Variants in PHACTR1 observed in about 807,000 individuals in gnomAD.
PHACTR1 encodes the protein phosphatase and actin regulator 1, also known as RPEL repeat containing 1.
Under a neutral mutation model 69.2 loss-of-function variants are expected in PHACTR1, and 16 were observed. That is an observed-to-expected ratio of 0.23 (90% confidence interval 0.16 to 0.35). The LOEUF (loss-of-function observed/expected upper bound fraction) is 0.35. Among genes scored for constraint, PHACTR1 ranks in the 10% least tolerant of loss-of-function variants. PHACTR1 has a pLI of 1.00. For missense variants in PHACTR1, 510 were observed against 734.7 expected, an observed-to-expected ratio of 0.69 and a Z score of 3.54; for synonymous variants, 312 against 284.5, an observed-to-expected ratio of 1.10 and a Z score of -0.97.
intron 4 of PHACTR1, among the ~76,000 whole-genome samples, chr6:12,901,618 C>A (rs1267824173): frequency 2.0e-5 from 3 of 152,128 alleles, no homozygotes; most frequent in Non-Finnish European, 4.4e-5. Flanking sequence ...CCTCAGCCTC[C>A]CGAGTAGCTG....
intron 10 of PHACTR1, among the ~76,000 whole-genome samples, chr6:13,262,362 C>T (rs1352250663): frequency 6.6e-6 from 1 of 152,086 alleles, no homozygotes; most frequent in Non-Finnish European, 1.5e-5. Flanking sequence ...TCTGATGGCC[C>T]ATAGGAGTAC....
intron 4 of PHACTR1, among the ~76,000 whole-genome samples, chr6:13,016,678 T>C (rs1489618098): frequency 6.6e-6 from 1 of 152,124 alleles, no homozygotes; most frequent in Non-Finnish European, 1.5e-5. Context: ...TTAAAGATGT[T>C]TTGCTAAACT....
chr6:13,278,921 C>T (rs1303122697), intron 12 of PHACTR1, among the ~76,000 whole-genome samples: 2 of 150,650 alleles, frequency 1.3e-5, no homozygotes, highest in Non-Finnish European at 2.9e-5. Flanking sequence ...CGAGATCGCG[C>T]CACTGCACTC....
chr6:12,984,830 C>A (rs1446249923), intron 4 of PHACTR1, among the ~76,000 whole-genome samples: 1 of 152,186 alleles, frequency 6.6e-6, no homozygotes, highest in Non-Finnish European at 1.5e-5. Context: ...CTGGAGAGTT[C>A]ATCAATCACA....
chr6:13,285,382 G>T (rs1348079560), intron 13 of PHACTR1, among the ~76,000 whole-genome samples: 7 of 152,156 alleles, frequency 4.6e-5, no homozygotes, highest in Non-Finnish European at 7.3e-5. Context: ...TCCCATCAAA[G>T]CAAGTATCGG....
chr6:13,027,262 C>T (rs1801827475), intron 4 of PHACTR1, among the ~76,000 whole-genome samples: 1 of 152,072 alleles, frequency 6.6e-6, no homozygotes, highest in Non-Finnish European at 1.5e-5. Flanking sequence ...TTTCTTTGTC[C>T]TGCAAAAGTT....
chr6:12,801,560 A>G (rs903402368), intron 4 of PHACTR1, among the ~76,000 whole-genome samples: 5 of 152,184 alleles, frequency 3.3e-5, no homozygotes, highest in South Asian at 2.1e-4. Context: ...CGGGGTATGG[A>G]TGGCAGAAGG....
chr6:12,807,888 C>A lies in PHACTR1; in HGVS notation c.250+58098C>A, dbSNP rs140537438. Among the ~76,000 whole-genome samples the A allele has an allele frequency of 3.8e-4, 58 of 152,306 alleles. 2 individuals carry two copies. The East Asian group carries it at 8.1e-3, about 21-fold the overall frequency. On this transcript the variant is annotated intron_variant, in intron 4 of 14. Transcript: ENST00000332995. Reference sequence around the variant, plus strand: ...CAATATTCTTTGCATCACTGTGTCTCGTAAAATGTCGTTGCCCAATAAAGT... The same window carrying A: ...CAATATTCTTTGCATCACTGTGTCTAGTAAAATGTCGTTGCCCAATAAAGT...
At chr6:13,010,253 G>A (rs1361245548) in intron 4 of PHACTR1, among the ~76,000 whole-genome samples, 1 of 152,026 alleles carries the variant, frequency 6.6e-6, no homozygotes, top group Non-Finnish European at 1.5e-5. Flanking sequence ...TCAACCTCCC[G>A]AGTAGCTGGG....
intron 4 of PHACTR1, among the ~76,000 whole-genome samples, chr6:12,857,393 CG>C (rs35612412): frequency 0.066 from 10,042 of 152,082 alleles, 373 homozygotes; most frequent in Middle Eastern, 0.11. Context: ...CAGAGGATCA[CG>C]AGGTCAAGAG....
intron 5 of PHACTR1, among the ~76,000 whole-genome samples, chr6:13,144,696 G>A (rs1464468280): frequency 6.0e-5 from 9 of 149,038 alleles, no homozygotes; most frequent in Admixed American, 2.7e-4. Context: ...AGCCCGGGAA[G>A]TGGAGGCTGC....
In PHACTR1 at chr6:12,781,494, T is replaced by C. The variant is rs546470835; in HGVS notation, c.250+31704T>C. Among the ~76,000 whole-genome samples, 15 of 152,336 alleles carry C rather than the reference T, an allele frequency of 9.8e-5. No homozygotes were observed. The South Asian group carries it at 3.1e-3, about 32-fold the overall frequency. On this transcript the variant is annotated intron_variant, in intron 4 of 14. Coordinates refer to ENST00000332995, the MANE Select transcript of PHACTR1 (RefSeq NM_030948.6). Reference sequence around the variant, plus strand: ...TTTCCAAATGGGCCTACACGGGCTCTAGGATTTTCCACTTTGAAAGAATAT... The same window carrying C: ...TTTCCAAATGGGCCTACACGGGCTCCAGGATTTTCCACTTTGAAAGAATAT...
chr6:12,814,910 CACA>C (rs1775414820), intron 4 of PHACTR1, among the ~76,000 whole-genome samples: 1 of 152,146 alleles, frequency 6.6e-6, no homozygotes. Flanking sequence ...TGTCTCAAAA[CACA>C]ACATGCTTCA....
intron 5 of PHACTR1, among the ~76,000 whole-genome samples, chr6:13,072,632 AT>A (rs1231098939): frequency 6.6e-6 from 1 of 152,176 alleles, no homozygotes; most frequent in African/African-American, 2.4e-5. Flanking sequence ...ATTCTAAAAC[AT>A]TCCCTTGGTT....
At chr6:12,829,984 G>GAGAGAGAGAGAGAGAGAT (rs1777251850) in intron 4 of PHACTR1, among the ~76,000 whole-genome samples, 1 of 144,714 alleles carries the variant, frequency 6.9e-6, no homozygotes, top group East Asian at 2.0e-4. Context: ...GAGAGAGAGA[G>GAGAGAGAGAGAGAGAGAT]AGAGAGAGAG....
Position 12,744,723 on chromosome 6 carries a change from C to CA in PHACTR1, c.104-4914dup, listed in dbSNP as rs555577970. Among the ~76,000 whole-genome samples, 26 of 151,952 alleles carry CA rather than the reference C, an allele frequency of 1.7e-4. No individual in the cohort carries two copies. The East Asian group carries it at 4.1e-3, about 24-fold the overall frequency. On this transcript the variant is annotated intron_variant, in intron 3 of 14. Coordinates refer to ENST00000332995, the MANE Select transcript of PHACTR1 (RefSeq NM_030948.6). ...AATAGCTATTCCATAGGCAGAGCAG[C>CA]AAAAAAATGATGTTTTATGCTGATA...
chr6:13,160,566 G>C (rs1286468050), intron 6 of PHACTR1, among the ~76,000 whole-genome samples: 1 of 152,210 alleles, frequency 6.6e-6, no homozygotes, highest in Non-Finnish European at 1.5e-5. Context: ...GCAGGCACTG[G>C]TTGTGAGTCT....
chr6:12,844,142 C>A (rs1415483587), intron 4 of PHACTR1, among the ~76,000 whole-genome samples: 1 of 152,128 alleles, frequency 6.6e-6, no homozygotes, highest in Non-Finnish European at 1.5e-5. Flanking sequence ...TACCTATAAT[C>A]CCAGCACATT....
At chr6:12,717,373 T>G (rs1185459122) in intron 1 of PHACTR1, 136 bp from the exon 2 acceptor site, 1 of 152,202 alleles carries the variant, frequency 6.6e-6, no homozygotes, top group Non-Finnish European at 1.5e-5. Context: ...GTTTTGTTTT[T>G]TTTTTAATGA....
Sources: gnomAD v4.1 joint callset for allele counts (sites outside exome capture counted in the v4.1 genomes callset) on GRCh38, gnomAD v4.1.1 for gene constraint, MANE v1.5 for transcripts, NCBI Gene and HGNC (gene_info 2026-07-23, HGNC 2026-07-21) for gene names.